The following SLC25A26 variants were observed in gnomAD, a reference collection of about 807,000 sequenced individuals.
SLC25A26 encodes the protein solute carrier family 25 member 26, also known as mitochondrial S-adenosylmethionine carrier protein.
SLC25A26 carries 36 observed loss-of-function variants against 37.8 expected under a neutral mutation model. That is an observed-to-expected ratio of 0.95 (90% CI 0.73 to 1.26). The LOEUF is 1.26. Among genes scored for constraint, SLC25A26 ranks in the 50% most tolerant of loss-of-function variants. The pLI is 0.00. For missense variants in SLC25A26, 390 were observed against 331.1 expected (o/e 1.18, Z -1.38); for synonymous variants, 129 against 122.5 (o/e 1.05, Z -0.35).
At chr3:66,218,561 C>A (rs1459517310), upstream of SLC25A26, among the ~76,000 whole-genome samples, 2 of 152,204 alleles carry the variant, frequency 1.3e-5, no homozygotes, top group African/African-American at 4.8e-5. Context: ...TGATCCTCAT[C>A]TTCCGGTATT....
intron 1 of SLC25A26, among the ~76,000 whole-genome samples, chr3:66,232,363 T>G (rs1335519056): frequency 2.0e-5 from 3 of 152,214 alleles, no homozygotes; most frequent in African/African-American, 7.2e-5. Context: ...TGAAAAAAAT[T>G]CAGTGTACCT....
At chr3:66,366,112 C>G (rs573090117) in intron 7 of SLC25A26, among the ~76,000 whole-genome samples, 52 of 152,262 alleles carry the variant, frequency 3.4e-4, no homozygotes, top group African/African-American at 1.2e-3. Flanking sequence ...GAATCCTGTC[C>G]TCGAAAGCAG....
intron 5 of SLC25A26, among the ~76,000 whole-genome samples, chr3:66,319,023 C>A (rs185917501): frequency 6.6e-6 from 1 of 152,284 alleles, no homozygotes; most frequent in African/African-American, 2.4e-5. Flanking sequence ...TACCAACTTT[C>A]ACTTGACACT....
chr3:66,161,360 A>C lies in SLC25A26; in HGVS notation c.-354+27376A>C, dbSNP rs182402611. On this transcript the variant is annotated intron_variant, in intron 1 of 10. Transcript: ENST00000676754. ...TGATTGCAGACTGCTACCTTATGTA[A>C]AGAATCTTCTTCCTTTTTTTCTTCC... 1.5e-4 allele frequency among the ~76,000 whole-genome samples: 23 copies of C among 152,210 alleles called. 1 individual carries two copies. Among genetic ancestry groups the C allele is most frequent in the Admixed American group, 9.8e-4 (15 of 15,290 alleles).
At chr3:66,168,390 C>G (rs914572189) in intron 1 of SLC25A26, among the ~76,000 whole-genome samples, 5 of 151,840 alleles carry the variant, frequency 3.3e-5, no homozygotes, top group Admixed American at 2.0e-4. Context: ...TAAGATGAAT[C>G]CATTATAGCA....
rs1165840261 is a variant in SLC25A26, at chr3:66,263,433, A to G, written c.453+54A>G. On this transcript the variant is annotated intron_variant, in intron 5 of 9. Transcript: ENST00000354883. The stretch of plus-strand genomic sequence containing the variant: ...TACGAAAGAATGATGTCCTTTGTTC[A>G]GTAAATTTATACTACTTAACAATTA... 2.6e-6 allele frequency: 3 copies of G among 1,152,856 alleles called. No homozygotes were observed. The Admixed American group carries it at 5.7e-5, about 22-fold the overall frequency. 71.4% of individuals were successfully genotyped at this position (1,152,856 alleles called of 1,614,324 possible).
intron 5 of SLC25A26, among the ~76,000 whole-genome samples, chr3:66,292,027 T>A (rs994217221): frequency 1.1e-4 from 17 of 151,492 alleles, no homozygotes; most frequent in Admixed American, 2.6e-4. Context: ...CTCTTCTTGT[T>A]GCGTTGATCC....
intron 5 of SLC25A26, among the ~76,000 whole-genome samples, chr3:66,302,720 G>A (rs73833455): frequency 0.066 from 10,023 of 152,274 alleles, 376 homozygotes; most frequent in African/African-American, 0.08. Flanking sequence ...AGCTGGGCAG[G>A]TGTGCTTGTG....
At chr3:66,354,950 A>G (rs1484494458) in intron 6 of SLC25A26, among the ~76,000 whole-genome samples, 2 of 152,212 alleles carry the variant, frequency 1.3e-5, no homozygotes, top group African/African-American at 4.8e-5. Flanking sequence ...TGTAAGTCCA[A>G]TTAAACCTCT....
chr3:66,348,035 T>G (rs707012), intron 6 of SLC25A26, among the ~76,000 whole-genome samples: 7 of 152,012 alleles, frequency 4.6e-5, no homozygotes, highest in Non-Finnish European at 1.0e-4. Flanking sequence ...GGCTTAATAC[T>G]TAGCTGATGG....
At chr3:66,340,984 C>A (rs1486157477) in intron 5 of SLC25A26, among the ~76,000 whole-genome samples, 1 of 151,860 alleles carries the variant, frequency 6.6e-6, no homozygotes, top group African/African-American at 2.4e-5. Flanking sequence ...CCTTAAGATT[C>A]TCAGCAAAAA....
intron 2 of SLC25A26, among the ~76,000 whole-genome samples, chr3:66,238,628 G>A (rs1221545616): frequency 1.3e-5 from 2 of 152,156 alleles, no homozygotes; most frequent in Non-Finnish European, 2.9e-5. Flanking sequence ...GCCTCCCAAA[G>A]TGCTGGGATT....
chr3:66,317,155 A>C (rs1405149432), intron 5 of SLC25A26, among the ~76,000 whole-genome samples: 1 of 152,046 alleles, frequency 6.6e-6, no homozygotes, highest in East Asian at 1.9e-4. Context: ...TGCTGGAGAC[A>C]TGCTGTGATT....
At chr3:66,242,371 A>C (rs1027041546) in intron 2 of SLC25A26, among the ~76,000 whole-genome samples, 1 of 152,232 alleles carries the variant, frequency 6.6e-6, no homozygotes, top group Non-Finnish European at 1.5e-5. Flanking sequence ...TTATTCATTC[A>C]TGGACAGAGT....
chr3:66,176,617 G>A (rs945542083), intron 1 of SLC25A26, among the ~76,000 whole-genome samples: 8 of 152,162 alleles, frequency 5.3e-5, no homozygotes, highest in African/African-American at 1.9e-4. Flanking sequence ...CAGAAAACAG[G>A]GTGTTAGAGT....
chr3:66,224,086 TAAA>T, intron 1 of SLC25A26, among the ~76,000 whole-genome samples: 1 of 152,236 alleles, frequency 6.6e-6, no homozygotes, highest in Non-Finnish European at 1.5e-5. Flanking sequence ...GCTTATGAGA[TAAA>T]ATTAAGAGAA....
chr3:66,170,177 T>C (rs1341438193), intron 1 of SLC25A26, among the ~76,000 whole-genome samples: 1 of 152,236 alleles, frequency 6.6e-6, no homozygotes, highest in Admixed American at 6.5e-5. Context: ...ACTACTTAGG[T>C]ATCTAAGCAG....
intron 5 of SLC25A26, among the ~76,000 whole-genome samples, chr3:66,271,759 C>G (rs1221142426): frequency 6.6e-6 from 1 of 152,126 alleles, no homozygotes; most frequent in African/African-American, 2.4e-5. Context: ...TTTCATACAT[C>G]TCTAGCTTCA....
At chr3:66,216,922 G>A (rs1001686950), upstream of SLC25A26, among the ~76,000 whole-genome samples, 928 of 152,210 alleles carry the variant, frequency 6.1e-3, 13 homozygotes, top group African/African-American at 0.021. Flanking sequence ...GTAGTAATGA[G>A]TCTTTCTGCT....
Sources: allele counts gnomAD v4.1 joint callset (sites outside exome capture counted in the v4.1 genomes callset), GRCh38; gene constraint gnomAD v4.1.1; transcripts MANE v1.5; gene names NCBI Gene and HGNC (gene_info 2026-07-23, HGNC 2026-07-21).